Variants in NUP153 observed in about 807,000 individuals in gnomAD.
NUP153 encodes nucleoporin 153, also known as nuclear pore complex protein Nup153.
NUP153 carries 27 observed loss-of-function variants against 134.6 expected under a neutral mutation model. The observed-to-expected ratio is 0.20, with a 90% CI of 0.15 to 0.28. NUP153 has a LOEUF of 0.28. Ranked by LOEUF, NUP153 falls within the 10% of genes least tolerant of loss-of-function variation. NUP153 has a pLI of 1.00. For missense variants in NUP153, 1,821 were observed against 1,731.3 expected, an observed-to-expected ratio of 1.05 and a Z score of -0.92; for synonymous variants, 640 against 623.5, an observed-to-expected ratio of 1.03 and a Z score of -0.40.
chr6:17,670,095 CAAAAAAAAAA>C (rs71002244), intron 5 of NUP153, among the ~76,000 whole-genome samples: 8 of 65,156 alleles, frequency 1.2e-4, no homozygotes, highest in African/African-American at 4.0e-4. Flanking sequence ...GACTCTTTCT[CAAAAAAAAAA>C]AAAAAAAAAA....
At chr6:17,674,631 G>A (rs578052639) in intron 5 of NUP153, among the ~76,000 whole-genome samples, 3 of 152,156 alleles carry the variant, frequency 2.0e-5, no homozygotes, top group East Asian at 1.9e-4. Context: ...TTAGCTGGGC[G>A]TGGTGGCATG....
chr6:17,666,689 C>A (rs550571813), intron 8 of NUP153, among the ~76,000 whole-genome samples: 12 of 152,258 alleles, frequency 7.9e-5, no homozygotes, highest in African/African-American at 2.9e-4. Flanking sequence ...AAAATGAACT[C>A]AATTTATTAT....
rs1442105076 is a variant in NUP153, at chr6:17,706,584, G to C, written c.-197C>G. The C allele has an allele frequency of 5.2e-6, 3 of 581,966 alleles. No homozygotes were observed. Among genetic ancestry groups the C allele is most frequent in the Non-Finnish European group, 9.1e-6 (3 of 330,284 alleles). 36.1% of individuals were successfully genotyped at this position (581,966 alleles called of 1,614,324 possible). A position where few individuals can be genotyped will look rare whatever the true frequency, so the allele number is the denominator to read the frequency against. ...GAGAGAGGGTGAGTGCTGGCAGCGG[G>C]GAAGGGGGTGGCGGCCGCAGAGGCC... is the stretch of plus-strand genomic sequence containing the variant. On this transcript the variant is annotated 5_prime_UTR_variant, in exon 1 of 22. Coordinates refer to ENST00000262077, the MANE Select transcript of NUP153 (RefSeq NM_005124.4). This position sits in a 1 kb window ranked among gnomAD's most constrained non-coding sequence, Gnocchi z 5.9.
chr6:17,672,856 C>T (rs1284481248), intron 5 of NUP153, among the ~76,000 whole-genome samples: 1 of 151,970 alleles, frequency 6.6e-6, no homozygotes, highest in East Asian at 1.9e-4. Flanking sequence ...ATAAAATGAA[C>T]CTTGACCAAT....
At chr6:17,618,412 G>A (rs1478798915) in intron 20 of NUP153, among the ~76,000 whole-genome samples, 2 of 152,004 alleles carry the variant, frequency 1.3e-5, no homozygotes, top group Non-Finnish European at 2.9e-5. Flanking sequence ...AAAATTTTAA[G>A]GAGAAAAATC....
intron 1 of NUP153, among the ~76,000 whole-genome samples, chr6:17,688,863 T>TA (rs1239244223): frequency 1.3e-5 from 2 of 151,986 alleles, no homozygotes; most frequent in African/African-American, 2.4e-5. Context: ...TTCTAATCCT[T>TA]AAAAAAACCC....
intron 1 of NUP153, among the ~76,000 whole-genome samples, chr6:17,689,546 T>A (rs1769155187): frequency 2.0e-5 from 3 of 151,902 alleles, no homozygotes; most frequent in Non-Finnish European, 4.4e-5. Flanking sequence ...CTTCTTTTTT[T>A]TTTTTTTGAG....
chr6:17,686,551 A>C (rs1307699099), intron 2 of NUP153, among the ~76,000 whole-genome samples: 2 of 151,666 alleles, frequency 1.3e-5, no homozygotes, highest in Admixed American at 6.6e-5. Flanking sequence ...ATGTGCCACC[A>C]TGCCTGGCTA....
In NUP153 at chr6:17,624,443, T is replaced by G. The variant is rs1352617356; in HGVS notation, c.4174+118A>C. 3 of 961,900 alleles carry G rather than the reference T, an allele frequency of 3.1e-6. No homozygotes were observed. In the East Asian group the frequency reaches 7.4e-5, roughly 24 times the overall value. The allele number at this position is 961,900 out of a possible 1,614,324, so 59.6% of individuals were successfully genotyped here. A position where few individuals can be genotyped will look rare whatever the true frequency, so the allele number is the denominator to read the frequency against. On this transcript the variant is annotated intron_variant, in intron 20 of 21. Transcript: ENST00000262077. ...ATCCAACCATATTACCTCTCTATTC[T>G]GCCAAGTACAAGAGATAATTTTAAA...
chr6:17,632,970 A>T, intron 16 of NUP153, 126 bp from the exon 17 acceptor site: 1 of 661,658 alleles, frequency 1.5e-6, no homozygotes, highest in Non-Finnish European at 2.4e-6. Context: ...TTCCTATTAA[A>T]ACACAGAATG....
chr6:17,697,666 C>T (rs1048819322), intron 1 of NUP153, among the ~76,000 whole-genome samples: 2 of 151,916 alleles, frequency 1.3e-5, no homozygotes, highest in Non-Finnish European at 1.5e-5. Flanking sequence ...CCAGCCTGGG[C>T]GACTGAGCGA....
At chr6:17,703,936 TG>T (rs1422209614) in intron 1 of NUP153, among the ~76,000 whole-genome samples, 1 of 152,176 alleles carries the variant, frequency 6.6e-6, no homozygotes, top group East Asian at 1.9e-4. Context: ...GGATCATAGG[TG>T]TTATGCTGTT....
intron 13 of NUP153, among the ~76,000 whole-genome samples, chr6:17,647,356 A>G (rs1018259766): frequency 6.6e-4 from 100 of 152,334 alleles, no homozygotes; most frequent in African/African-American, 2.2e-3. Flanking sequence ...ACTAAATGCA[A>G]TATCATGTAG....
In NUP153 at chr6:17,618,275, G is replaced by A. The variant is rs146385070; in HGVS notation, c.4175-1580C>T. ...TAGAAAGGATTTAAGTGGTATTTAC[G>A]TGTCCTACACTCATAACAACTACAG... On this transcript the variant is annotated intron_variant, in intron 20 of 21. Transcript: ENST00000262077. Among the ~76,000 whole-genome samples, 152 of 152,284 alleles carry A rather than the reference G, an allele frequency of 1.0e-3. 3 individuals are homozygous for A. In the East Asian group the frequency reaches 0.016, roughly 16 times the overall value.
chr6:17,661,373 A>G (rs1767166692), intron 11 of NUP153, among the ~76,000 whole-genome samples: 1 of 152,216 alleles, frequency 6.6e-6, no homozygotes, highest in African/African-American at 2.4e-5. Context: ...CGTATGTTTT[A>G]CAAACAGACA....
chr6:17,666,790 G>T (rs1303164863), intron 8 of NUP153, among the ~76,000 whole-genome samples: 1 of 152,196 alleles, frequency 6.6e-6, no homozygotes, highest in Non-Finnish European at 1.5e-5. Flanking sequence ...AAAGCCAGAA[G>T]CTTCTAACTC....
In NUP153 at chr6:17,697,876, C is replaced by A. The variant is rs79470665; in HGVS notation, c.111+8401G>T. Among the ~76,000 whole-genome samples the A allele has an allele frequency of 8.2e-3, 1,252 of 152,290 alleles. 11 individuals carry two copies. Among genetic ancestry groups the A allele is most frequent in the South Asian group, 0.013 (63 of 4,800 alleles). On this transcript the variant is annotated intron_variant, in intron 1 of 21. Coordinates refer to ENST00000262077, the MANE Select transcript of NUP153 (RefSeq NM_005124.4). ...ATTAACGACATTCTTTTCTTATAAA[C>A]CTTTTCACAGGAATAACCAGAGGCA...
intron 8 of NUP153, among the ~76,000 whole-genome samples, chr6:17,665,688 A>G (rs1200933382): frequency 1.3e-5 from 2 of 152,118 alleles, no homozygotes; most frequent in Non-Finnish European, 2.9e-5. Context: ...ACTATATTCA[A>G]AACAGCACTA....
At chr6:17,671,074 G>C (rs1767878434) in intron 5 of NUP153, among the ~76,000 whole-genome samples, 1 of 152,094 alleles carries the variant, frequency 6.6e-6, no homozygotes, top group Non-Finnish European at 1.5e-5. Flanking sequence ...AAAGTGCTGG[G>C]ATTACAGGCA....
Sources: gnomAD v4.1 joint callset for allele counts (sites outside exome capture counted in the v4.1 genomes callset) on GRCh38, gnomAD v4.1.1 for gene constraint, Gnocchi (gnomAD v3.1) non-coding constraint, MANE v1.5 for transcripts, NCBI Gene and HGNC (gene_info 2026-07-23, HGNC 2026-07-21) for gene names.